Variants in USP15 observed in about 807,000 individuals in gnomAD.
USP15 encodes the protein ubiquitin carboxyl-terminal hydrolase 15.
In USP15, 18 loss-of-function variants were observed where a neutral mutation model predicts 127.1. The ratio of observed to expected loss-of-function variants is 0.14; its 90% CI spans 0.10 to 0.21. USP15 has a LOEUF of 0.21. Among genes scored for constraint, USP15 ranks in the 10% least tolerant of loss-of-function variants. The pLI is 1.00. For missense variants in USP15, 805 were observed against 1,159.9 expected (o/e 0.69, Z 4.44); for synonymous variants, 364 against 393.7 (o/e 0.92, Z 0.89).
At chr12:62,371,192 TCTAC>T (rs746762953) in intron 8 of USP15, among the ~76,000 whole-genome samples, 1 of 152,216 alleles carries the variant, frequency 6.6e-6, no homozygotes, top group Non-Finnish European at 1.5e-5. Flanking sequence ...CTGGATTCTG[TCTAC>T]CTGTTTAGCC....
At position 62,409,129 on chromosome 12, in the gene USP15, A is replaced by G. The variant is rs973276304; in HGVS notation, c.*4754A>G. The G allele has an allele frequency of 6.6e-6, 1 of 152,170 alleles. No homozygotes were observed. The highest frequency in any genetic ancestry group is 1.5e-5 in the Non-Finnish European group (1 of 68,000). The allele number at this position is 152,170 out of a possible 1,614,324, so 9.4% of individuals were successfully genotyped here. A position where few individuals can be genotyped will look rare whatever the true frequency, so the allele number is the denominator to read the frequency against. ...ATATAAAACAGACAGTTCAAAAATT[A>G]TTTTTGGAAAATATATGCATCGGGA... On this transcript the variant is annotated 3_prime_UTR_variant, in exon 22 of 22. Transcript: ENST00000280377.
At chr12:62,370,952 A>G (rs913433313) in intron 8 of USP15, among the ~76,000 whole-genome samples, 2 of 152,120 alleles carry the variant, frequency 1.3e-5, no homozygotes, top group Admixed American at 6.5e-5. Context: ...TGTTCATTCT[A>G]CTTCTTATAT....
intron 1 of USP15, among the ~76,000 whole-genome samples, chr12:62,265,216 A>T (rs896104031): frequency 5.3e-5 from 8 of 152,216 alleles, no homozygotes; most frequent in Non-Finnish European, 1.2e-4. Context: ...ATAAGGCATT[A>T]AATGACCTTT....
At chr12:62,315,120 G>A in intron 4 of USP15, 1 of 432,492 alleles carries the variant, frequency 2.3e-6, no homozygotes, top group Non-Finnish European at 3.6e-6. Flanking sequence ...TTTAACATTT[G>A]TGCTGTTTTG....
intron 8 of USP15, among the ~76,000 whole-genome samples, chr12:62,368,393 A>G (rs796526963): frequency 6.6e-6 from 1 of 152,138 alleles, no homozygotes; most frequent in Non-Finnish European, 1.5e-5. Flanking sequence ...TGATCTGTCT[A>G]ATATTAACAG....
rs138852352 is a variant in USP15 at position 62,339,978 on chromosome 12, A to G, written c.684-9243A>G. The stretch of plus-strand genomic sequence containing the variant: ...AGGAATGGTACCAGCTCCTCTTTGT[A>G]CCTCTGGTACAATTTGGCTGTGAAT... On this transcript the variant is annotated intron_variant, in intron 6 of 21. Coordinates refer to ENST00000280377, the MANE Select transcript of USP15 (RefSeq NM_001252078.2). Among the ~76,000 whole-genome samples the G allele has an allele frequency of 3.2e-3, 486 of 152,046 alleles. 2 individuals are homozygous for G. The highest frequency in any genetic ancestry group is 0.011 in the African/African-American group (438 of 41,462).
At chr12:62,326,591 A>G (rs572747080) in intron 6 of USP15, among the ~76,000 whole-genome samples, 4 of 152,260 alleles carry the variant, frequency 2.6e-5, no homozygotes, top group African/African-American at 9.6e-5. Context: ...TTTTCAGCAA[A>G]TATTCACACT....
At chr12:62,380,537 A>G (rs954307275) in intron 8 of USP15, among the ~76,000 whole-genome samples, 26 of 152,136 alleles carry the variant, frequency 1.7e-4, no homozygotes, top group Admixed American at 1.7e-3. Context: ...CCAGGCTCTC[A>G]TAAGAGTGAG....
chr12:62,271,676 T>A (rs572177047), intron 1 of USP15, among the ~76,000 whole-genome samples: 1 of 151,930 alleles, frequency 6.6e-6, no homozygotes, highest in African/African-American at 2.4e-5. Context: ...TCCTTCTTGC[T>A]TCATATATGC....
At chr12:62,350,966 G>A (rs1324671647) in intron 7 of USP15, among the ~76,000 whole-genome samples, 1 of 151,892 alleles carries the variant, frequency 6.6e-6, no homozygotes, top group East Asian at 1.9e-4. Flanking sequence ...ACTGATTAGA[G>A]ATATGTAAAT....
intron 9 of USP15, 71 bp downstream of exon 9, chr12:62,381,734 G>C: frequency 6.7e-7 from 1 of 1,484,786 alleles, no homozygotes; most frequent in Non-Finnish European, 9.1e-7. Flanking sequence ...GGGATAGGGG[G>C]AGTGAAAAAT....
chr12:62,394,124 T>G (rs1221092460), intron 19 of USP15, among the ~76,000 whole-genome samples: 2 of 152,226 alleles, frequency 1.3e-5, no homozygotes, highest in African/African-American at 2.4e-5. Flanking sequence ...CTCTCTTTTT[T>G]TCTTCCCCTG....
intron 1 of USP15, among the ~76,000 whole-genome samples, chr12:62,292,449 G>A (rs2063999808): frequency 6.6e-6 from 1 of 152,136 alleles, no homozygotes; most frequent in African/African-American, 2.4e-5. Flanking sequence ...CATGAACCTG[G>A]GCCCAGAGGC....
At chr12:62,301,418 A>G (rs2064316657) in intron 2 of USP15, among the ~76,000 whole-genome samples, 1 of 152,182 alleles carries the variant, frequency 6.6e-6, no homozygotes, top group East Asian at 1.9e-4. Context: ...TGTAATAGAA[A>G]AAGTTGTGAA....
chr12:62,289,495 T>C (rs909237035), intron 1 of USP15, among the ~76,000 whole-genome samples: 2 of 152,138 alleles, frequency 1.3e-5, no homozygotes, highest in Non-Finnish European at 2.9e-5. Flanking sequence ...ATCTTCTCTC[T>C]TCTTGGTTAG....
intron 17 of USP15, 43 bp from the exon 18 acceptor site, chr12:62,392,229 T>C (rs1266694303): frequency 7.6e-7 from 1 of 1,315,602 alleles, no homozygotes; most frequent in South Asian, 1.3e-5. Flanking sequence ...AAAATGAGTT[T>C]TGTTTCATTT....
intron 6 of USP15, among the ~76,000 whole-genome samples, chr12:62,344,412 G>A (rs955872813): frequency 5.3e-5 from 8 of 152,310 alleles, no homozygotes; most frequent in Middle Eastern, 3.4e-3. Context: ...CACAAGAGGT[G>A]GGCTCCCACA....
In USP15 at chr12:62,260,509, A is replaced by G. The variant is rs1216935877; in HGVS notation, c.89+6A>G. The G allele has an allele frequency of 1.3e-6, 2 of 1,550,810 alleles. No homozygotes were observed. The highest frequency in any genetic ancestry group is 2.7e-5 in the African/African-American group (2 of 73,026). ...CTCCGGAAAGGGGACACCTGGTAAG[A>G]GAAAGGGGTTGAGATGCCCGCGGTT... On this transcript the variant is annotated splice_donor_region_variant and intron_variant, in intron 1 of 21. Coordinates refer to ENST00000280377, the MANE Select transcript of USP15 (RefSeq NM_001252078.2).
chr12:62,316,200 T>C (rs1265404218), intron 4 of USP15, among the ~76,000 whole-genome samples: 3 of 150,970 alleles, frequency 2.0e-5, no homozygotes, highest in African/African-American at 7.3e-5. Context: ...GCAAAAAAAT[T>C]GCTTGAACCG....
Sources: allele counts gnomAD v4.1 joint callset (sites outside exome capture counted in the v4.1 genomes callset), GRCh38; gene constraint gnomAD v4.1.1; transcripts MANE v1.5; gene names NCBI Gene and HGNC (gene_info 2026-07-23, HGNC 2026-07-21).